MAN2C1: variants seen among roughly 807,000 people sequenced by gnomAD.
MAN2C1 encodes the protein mannosidase alpha class 2C member 1, also known as alpha-mannosidase 2C1.
MAN2C1 carries 111 observed loss-of-function variants against 126.9 expected under a neutral mutation model. The ratio of observed to expected loss-of-function variants is 0.87; its 90% confidence interval spans 0.75 to 1.02. The LOEUF (loss-of-function observed/expected upper bound fraction) is 1.02. MAN2C1 is among the 50% of genes least tolerant of loss of function. The pLI, the probability that MAN2C1 is intolerant of heterozygous loss-of-function variation, is 0.00. For synonymous variants in MAN2C1, 567 were observed against 561.5 expected (o/e 1.01, Z -0.14); for missense variants, 1,363 against 1,364.4 (o/e 1.00, Z 0.02).
At chr15:75,364,743 G>A (rs112508953) in intron 4 of MAN2C1, 78 bp from the exon 5 acceptor site, 1 of 1,351,902 alleles carries the variant, frequency 7.4e-7, no homozygotes, top group Non-Finnish European at 9.9e-7. Context: ...GCACCCAGGA[G>A]GCATCCAGCT....
chr15:75,357,105 TACTC>T (rs2072338629), intron 21 of MAN2C1: 4 of 587,334 alleles, frequency 6.8e-6, no homozygotes, highest in Non-Finnish European at 1.2e-5. Context: ...TAAATAATAG[TACTC>T]ACCCCATCGA....
In MAN2C1 at chr15:75,356,165, CGTGG is replaced by C. The variant is rs2141321699; in HGVS notation, c.2937_2940del (p.His980AlafsTer32). On this transcript the variant is annotated frameshift_variant, in exon 25 of 26. Coordinates refer to ENST00000267978, the MANE Select transcript of MAN2C1 (RefSeq NM_006715.4). LOFTEE classifies it high-confidence loss of function. This position sits in a 1 kb window ranked among gnomAD's most constrained non-coding sequence, Gnocchi z 5.8. ...TGCAGCCAGCAGTCCACGTGGCTGC[CGTGG>C]GCCTCATACAGCCTCAGGACCAGCG... 1 of 1,613,604 alleles carries C rather than the reference CGTGG, an allele frequency of 6.2e-7. No individual in the cohort carries two copies. The highest frequency in any genetic ancestry group is 2.2e-5 in the East Asian group (1 of 44,878).
At chr15:75,360,415 G>A (rs908365523) in intron 13 of MAN2C1, 150 bp downstream of exon 13, 5 of 1,337,600 alleles carry the variant, frequency 3.7e-6, no homozygotes, top group East Asian at 5.0e-5. Context: ...CCTCCTTCAA[G>A]CTTTCTTGAC....
intron 13 of MAN2C1, 152 bp downstream of exon 13, chr15:75,360,413 A>G (rs1387588007): frequency 7.5e-7 from 1 of 1,331,072 alleles, no homozygotes; most frequent in African/African-American, 1.5e-5. Flanking sequence ...TGCCTCCTTC[A>G]AGCTTTCTTG....
At chr15:75,360,884 C>T in intron 12 of MAN2C1, 162 bp downstream of exon 12, 1 of 1,189,850 alleles carries the variant, frequency 8.4e-7, no homozygotes, top group Non-Finnish European at 1.1e-6. Context: ...GCTTCAGCTT[C>T]TCCCCCACCC....
chr15:75,358,293 C>G lies in MAN2C1; in HGVS notation c.2455G>C (p.Val819Leu), dbSNP rs150703780. 6.2e-7 allele frequency: 1 copy of G among 1,614,128 alleles called. No individual in the cohort carries two copies. Among genetic ancestry groups the G allele is most frequent in the Non-Finnish European group, 8.5e-7 (1 of 1,180,032 alleles). The change falls in exon 21 of 26, where the codon GTG (valine) becomes CTG (leucine). Residue 819 changes from valine to leucine, a missense_variant. Transcript: ENST00000267978. ...TCATAGGTGGCCTGGGAACTCCGCA[C>G]GCGAGCAGGGAACTCCACCTTCAGG... ...KFLKVEFPARVRSSQATYEIQ... is the reference protein window; with the variant it reads ...KFLKVEFPARLRSSQATYEIQ...
intron 1 of MAN2C1, 68 bp from the exon 2 acceptor site, chr15:75,368,266 G>T: frequency 6.5e-7 from 1 of 1,532,034 alleles, no homozygotes. Context: ...CCAGCTGGCC[G>T]GTGGGGCCGC....
In MAN2C1 at chr15:75,360,177, A is replaced by G. The variant is rs767015410; in HGVS notation, c.1619T>C (p.Leu540Pro). The change falls in exon 14 of 26, where the codon CTG becomes CCG. Residue 540 changes from leucine (L) to proline (P), a missense_variant. Around this residue, in one of 3 missense-constraint regions of MAN2C1, gnomAD observed 67 missense variants for 104.5 expected, o/e 0.64. Transcript: ENST00000267978. ...GCTACTGAGCAGCTCCACGTCGTGC[A>G]GGATCCGCTCACATTCCCGGTTCCC... Reference protein sequence around the residue: ...KKGNRECERILHDVELLSSLA... With the variant: ...KKGNRECERIPHDVELLSSLA... 1.2e-6 allele frequency: 2 copies of G among 1,612,544 alleles called. No homozygotes were observed. Among genetic ancestry groups the G allele is most frequent in the Non-Finnish European group, 1.7e-6 (2 of 1,180,010 alleles).
intron 3 of MAN2C1, 146 bp downstream of exon 3, chr15:75,367,364 TG>T: frequency 1.0e-6 from 1 of 967,964 alleles, no homozygotes. Flanking sequence ...GATGCCCAAG[TG>T]GCAACTTCCC....
Position 75,359,420 on chromosome 15 carries a change from C to G in MAN2C1, c.1954G>C (p.Val652Leu), listed in dbSNP as rs769380219. Residue 652 changes from valine (V) to leucine (L), a missense_variant, in exon 17 of 26, where the codon GTG (valine) becomes CTG (leucine). Val to Leu is a conservative substitution (Grantham distance 32). Around this residue, in one of 3 missense-constraint regions of MAN2C1, gnomAD observed 668 missense variants for 650.1 expected, o/e 1.03. Transcript: ENST00000267978. The stretch of plus-strand genomic sequence containing the variant: ...GCATAGCCCATGCTGGGCACTGTCA[C>G]CAGGGCTGGGGGTGAGGCCTGGGCA... ...KPGGAHSLAL[V>L]TVPSMGYAPV... is the part of the protein sequence containing the mutation. The G allele has an allele frequency of 1.5e-5, 24 of 1,610,806 alleles. No individual in the cohort carries two copies. The highest frequency in any genetic ancestry group is 2.0e-5 in the Non-Finnish European group (24 of 1,179,402).
At position 75,366,603 on chromosome 15, in the gene MAN2C1, G is replaced by A. The variant is rs1383169994; in HGVS notation, c.352-11C>T. 1.8e-5 allele frequency: 29 copies of A among 1,605,562 alleles called. No homozygotes were observed. Among genetic ancestry groups the A allele is most frequent in the Non-Finnish European group, 2.5e-5 (29 of 1,174,716 alleles). On this transcript the variant is annotated splice_polypyrimidine_tract_variant and intron_variant, in intron 3 of 25. Coordinates refer to ENST00000267978, the MANE Select transcript of MAN2C1 (RefSeq NM_006715.4). ...CTCTTTGGTTAAACCCTAGTAGGGA[G>A]GGGAGTGAGAGAGACAAGGCTTGAG...
At chr15:75,368,423 G>C (rs1474929849) in intron 1 of MAN2C1, 60 bp downstream of exon 1, 1 of 1,509,068 alleles carries the variant, frequency 6.6e-7, no homozygotes, top group Admixed American at 2.0e-5. Context: ...TTTCTCCCCG[G>C]AAGGAAAGCT....
chr15:75,357,136 A>T (rs1156987677), intron 21 of MAN2C1: 6 of 534,398 alleles, frequency 1.1e-5, no homozygotes, highest in African/African-American at 7.6e-5. Context: ...ATGAGTATCA[A>T]ATTAAATGTA....
chr15:75,368,362 C>A, intron 1 of MAN2C1, 121 bp downstream of exon 1: 1 of 1,389,840 alleles, frequency 7.2e-7, no homozygotes, highest in South Asian at 1.3e-5. Flanking sequence ...CGGCCCCTGC[C>A]CTGCCCGCGG....
rs560740425 is a variant in MAN2C1, at chr15:75,362,451, C to T, written c.900G>A (p.Ala300=). The stretch of plus-strand genomic sequence containing the variant: ...GGCTCTTCACCCATTCCAGCTGCTG[C>T]GCCTGTGGGCAGGTTGAAGGGAGCT... ...NPEFIFACSQ[A]QQLEWVKSRY... The change falls in exon 8 of 26, where the codon GCG becomes GCA. Residue 300 remains alanine (A), a splice_region_variant and synonymous_variant. Transcript: ENST00000267978. The surrounding 1 kb of genome is among the most constrained non-coding windows in gnomAD (Gnocchi z 4.5). The T allele has an allele frequency of 8.1e-6, 13 of 1,606,440 alleles. No individual in the cohort carries two copies. The highest frequency in any genetic ancestry group is 6.8e-5 in the Admixed American group (4 of 58,918).
At chr15:75,360,938 G>A (rs977535826) in intron 12 of MAN2C1, 108 bp downstream of exon 12, 1 of 1,404,758 alleles carries the variant, frequency 7.1e-7, no homozygotes, top group African/African-American at 1.4e-5. Context: ...TCTAGGATTG[G>A]GACAGGACAA....
At position 75,360,560 on chromosome 15, in the gene MAN2C1, C is replaced by G. The variant is rs751434051; in HGVS notation, c.1584+5G>C. ...CCCTGCACAGCCCTGCAACCTCCCCCTGACCTGGGCATGGGTGGTGTATGT... is the reference window on the plus strand; with the variant it reads ...CCCTGCACAGCCCTGCAACCTCCCCGTGACCTGGGCATGGGTGGTGTATGT... On this transcript the variant is annotated splice_donor_5th_base_variant and intron_variant, in intron 13 of 25. Transcript: ENST00000267978. 4.3e-6 allele frequency: 7 copies of G among 1,613,320 alleles called. No individual in the cohort carries two copies. Among genetic ancestry groups the G allele is most frequent in the Non-Finnish European group, 4.2e-6 (5 of 1,179,898 alleles).
At position 75,368,154 on chromosome 15, in the gene MAN2C1, A is replaced by T; in HGVS notation, c.146T>A (p.Leu49Gln). 6.2e-7 allele frequency: 1 copy of T among 1,604,410 alleles called. No homozygotes were observed. Among genetic ancestry groups the T allele is most frequent in the Admixed American group, 1.7e-5 (1 of 59,146 alleles). Reference protein sequence around the residue: ...SCPVAVLSSFLTPERLPYQEA... With the variant: ...SCPVAVLSSFQTPERLPYQEA... ...CTGGTAGGGAAGTCTCTCCGGCGTCAGGAAGCTGGAGAGCACAGCCACAGG... is the reference window on the plus strand; with the variant it reads ...CTGGTAGGGAAGTCTCTCCGGCGTCTGGAAGCTGGAGAGCACAGCCACAGG... The change falls in exon 2 of 26, where the codon CTG (leucine) becomes CAG (glutamine). Residue 49 changes from leucine to glutamine, a missense_variant. Coordinates refer to ENST00000267978, the MANE Select transcript of MAN2C1 (RefSeq NM_006715.4).
Position 75,356,312 on chromosome 15 carries a change from T to C in MAN2C1, c.2875A>G (p.Thr959Ala), listed in dbSNP as rs1200679726. ...GTCCCACCCCTTGCCTGCTTGACGGTCTCCAATACGACCGCGGGTGAAGAC... is the reference window on the plus strand; with the variant it reads ...GTCCCACCCCTTGCCTGCTTGACGGCCTCCAATACGACCGCGGGTGAAGAC... ...SVSSPAVVLE[T>A]VKQAESSPQR... The change falls in exon 24 of 26, where the codon ACC becomes GCC. Residue 959 changes from threonine to alanine, a missense_variant. By Grantham distance (58) the Thr-to-Ala change is moderately conservative (BLOSUM62 0). Around this residue, in one of 3 missense-constraint regions of MAN2C1, gnomAD observed 668 missense variants for 650.1 expected, o/e 1.03. Coordinates refer to ENST00000267978, the MANE Select transcript of MAN2C1 (RefSeq NM_006715.4). This position sits in a 1 kb window ranked among gnomAD's most constrained non-coding sequence, Gnocchi z 5.8. The C allele has an allele frequency of 6.2e-7, 1 of 1,610,102 alleles. No homozygotes were observed. Among genetic ancestry groups the C allele is most frequent in the Admixed American group, 1.7e-5 (1 of 59,540 alleles).
Sources: allele counts gnomAD v4.1 joint callset, GRCh38; gene constraint gnomAD v4.1.1; regional missense constraint gnomAD v4.1.1; non-coding constraint Gnocchi (gnomAD v3.1); transcripts MANE v1.5; gene names NCBI Gene and HGNC (gene_info 2026-07-23, HGNC 2026-07-21).